Variants in DNAJC13 observed in about 807,000 individuals in gnomAD.
DNAJC13 encodes DnaJ heat shock protein family (Hsp40) member C13.
Under a neutral mutation model 290.5 loss-of-function variants are expected in DNAJC13, and 75 were observed. That is an observed-to-expected ratio of 0.26 (90% CI 0.21 to 0.31). DNAJC13 has a LOEUF of 0.31. Ranked by LOEUF, DNAJC13 falls within the 10% of genes least tolerant of loss-of-function variation. DNAJC13 has a pLI of 1.00. For synonymous variants in DNAJC13, 862 were observed against 892.0 expected, an observed-to-expected ratio of 0.97 and a Z score of 0.60; for missense variants, 2,260 against 2,674.5, an observed-to-expected ratio of 0.85 and a Z score of 3.42.
chr3:132,473,371 A>G (rs2107687211), intron 21 of DNAJC13, 144 bp downstream of exon 21: 1 of 599,474 alleles, frequency 1.7e-6, no homozygotes, highest in East Asian at 3.1e-5. Flanking sequence ...AACTGTTAAG[A>G]TTGGGGTGAC....
At chr3:132,518,620 G>A (rs1318813145) in intron 48 of DNAJC13, among the ~76,000 whole-genome samples, 2 of 152,190 alleles carry the variant, frequency 1.3e-5, no homozygotes, top group African/African-American at 4.8e-5. Context: ...GCCTCCAAAA[G>A]TGCTGGAATT....
intron 55 of DNAJC13, among the ~76,000 whole-genome samples, chr3:132,533,486 C>T (rs1043182359): frequency 6.6e-6 from 1 of 152,032 alleles, no homozygotes; most frequent in Non-Finnish European, 1.5e-5. Flanking sequence ...CAGGTGTGCA[C>T]CACCATTCCC....
chr3:132,529,774 G>A (rs1169986809), intron 54 of DNAJC13, among the ~76,000 whole-genome samples: 1 of 140,582 alleles, frequency 7.1e-6, no homozygotes, highest in East Asian at 2.1e-4. Flanking sequence ...GTGAAAGAGC[G>A]AGACTCTGTC....
chr3:132,479,092 T>C (rs1934571249), intron 24 of DNAJC13, 135 bp from the exon 25 acceptor site: 1 of 530,664 alleles, frequency 1.9e-6, no homozygotes, highest in East Asian at 3.1e-5. Flanking sequence ...TTGACAGATT[T>C]CTATGATTTT....
chr3:132,447,522 T>G (rs1173671477), intron 4 of DNAJC13, 52 bp downstream of exon 4: 1 of 1,455,094 alleles, frequency 6.9e-7, no homozygotes, highest in Non-Finnish European at 9.1e-7. Context: ...CTTTTTAAAA[T>G]GAAGTAGTTA....
intron 43 of DNAJC13, 119 bp downstream of exon 43, chr3:132,507,472 GCT>G: frequency 1.6e-6 from 1 of 637,184 alleles, no homozygotes; most frequent in South Asian, 2.3e-5. Context: ...TTACTGTGCT[GCT>G]TTTTTTTTTT....
chr3:132,490,817 C>T, intron 31 of DNAJC13, 80 bp from the exon 32 acceptor site: 1 of 1,342,884 alleles, frequency 7.4e-7, no homozygotes. Flanking sequence ...AAAGTGTTCT[C>T]TAACCATAAA....
chr3:132,470,830 C>A (rs1207301491), intron 20 of DNAJC13, among the ~76,000 whole-genome samples: 1 of 133,466 alleles, frequency 7.5e-6, no homozygotes, highest in Admixed American at 7.1e-5. Context: ...GGGCGGCTGG[C>A]CAGGCGGGGG....
At chr3:132,510,870 T>A (rs1935756247) in intron 43 of DNAJC13, among the ~76,000 whole-genome samples, 197 bp from the exon 44 acceptor site, 1 of 152,172 alleles carries the variant, frequency 6.6e-6, no homozygotes, top group African/African-American at 2.4e-5. Flanking sequence ...TGGGAGTATA[T>A]CAGATCTCTG....
chr3:132,501,582 G>GA (rs74269442), intron 39 of DNAJC13, among the ~76,000 whole-genome samples: 16 of 147,666 alleles, frequency 1.1e-4, no homozygotes, highest in African/African-American at 2.7e-4. Flanking sequence ...AAAAAAAAAA[G>GA]AAAAAAAAAC....
chr3:132,418,007 T>C (rs1224749286), intron 1 of DNAJC13, among the ~76,000 whole-genome samples: 3 of 152,096 alleles, frequency 2.0e-5, no homozygotes, highest in African/African-American at 2.4e-5. Context: ...TTTTTTTTGC[T>C]TGTTTTATAC....
rs749971675 is a variant in DNAJC13 at position 132,525,595 on chromosome 3, G to A, written c.6061-15G>A. On this transcript the variant is annotated splice_polypyrimidine_tract_variant and intron_variant, in intron 51 of 55. Transcript: ENST00000260818. The stretch of plus-strand genomic sequence containing the variant: ...AGTATTTTATAGTTGATTTATTTTT[G>A]TTTTACACCTGCAGGGAGAAACTCT... 1.9e-6 allele frequency: 3 copies of A among 1,610,802 alleles called. No homozygotes were observed. Among genetic ancestry groups the A allele is most frequent in the Non-Finnish European group, 2.5e-6 (3 of 1,178,786 alleles).
At chr3:132,488,739 A>G (rs1187696368) in intron 30 of DNAJC13, among the ~76,000 whole-genome samples, 1 of 152,086 alleles carries the variant, frequency 6.6e-6, no homozygotes, top group Non-Finnish European at 1.5e-5. Flanking sequence ...GCTTTCTTAA[A>G]GTTTAATAAT....
intron 1 of DNAJC13, among the ~76,000 whole-genome samples, chr3:132,426,659 TC>T (rs1417601787): frequency 6.6e-6 from 1 of 152,238 alleles, no homozygotes; most frequent in African/African-American, 2.4e-5. Flanking sequence ...CAGATTTTTT[TC>T]ATCATAAATA....
In DNAJC13 at chr3:132,456,286, A is replaced by G; in HGVS notation, c.984A>G (p.Arg328=). The change falls in exon 10 of 56, where the codon AGA becomes AGG. Residue 328 remains arginine (R), a synonymous_variant. Coordinates refer to ENST00000260818, the MANE Select transcript of DNAJC13 (RefSeq NM_015268.4). Reference sequence around the variant, plus strand: ...ATGGAGTAAGAGCCTCTGGTAATAGAGATGTTTGTGTAAAAATGACACCAA... The same window carrying G: ...ATGGAGTAAGAGCCTCTGGTAATAGGGATGTTTGTGTAAAAATGACACCAA... ...LLDGVRASGN[R]DVCVKMTPTH... The G allele has an allele frequency of 6.2e-7, 1 of 1,613,946 alleles. No homozygotes were observed. Among genetic ancestry groups the G allele is most frequent in the South Asian group, 1.1e-5 (1 of 91,086 alleles).
Position 132,505,396 on chromosome 3 carries a change from A to C in DNAJC13, c.4979A>C (p.Gln1660Pro), listed in dbSNP as rs752335276. ...TTACTTGAATTTCTTGAATCCCAAC[A>C]AGAAAACATGATTAAAAAAGTATGT... ...AELLEFLESQQENMIKKGDCD... is the reference protein window; with the variant it reads ...AELLEFLESQPENMIKKGDCD... The change falls in exon 42 of 56, where the codon CAA (glutamine) becomes CCA (proline). Residue 1660 changes from glutamine (Q) to proline (P), a missense_variant. Gln to Pro is a moderately conservative substitution (Grantham distance 76). Coordinates refer to ENST00000260818, the MANE Select transcript of DNAJC13 (RefSeq NM_015268.4). The C allele has an allele frequency of 6.3e-7, 1 of 1,595,348 alleles. No homozygotes were observed. Among genetic ancestry groups the C allele is most frequent in the East Asian group, 2.2e-5 (1 of 44,646 alleles).
intron 17 of DNAJC13, among the ~76,000 whole-genome samples, 186 bp from the exon 18 acceptor site, chr3:132,465,809 A>T (rs1041025557): frequency 6.6e-6 from 1 of 152,058 alleles, no homozygotes; most frequent in African/African-American, 2.4e-5. Flanking sequence ...GAAAATTCCA[A>T]AATATTAGTA....
rs532571962 is a variant in DNAJC13 at position 132,488,996 on chromosome 3, C to T, written c.3443C>T (p.Thr1148Ile). The T allele has an allele frequency of 1.9e-6, 3 of 1,610,128 alleles. No homozygotes were observed. Among genetic ancestry groups the T allele is most frequent in the Non-Finnish European group, 2.5e-6 (3 of 1,176,966 alleles). Residue 1148 changes from threonine (T) to isoleucine (I), a missense_variant, in exon 31 of 56, where the codon ACC (threonine) becomes ATC (isoleucine). Physicochemically the swap from Thr to Ile is moderately conservative, Grantham distance 89 (BLOSUM62 -1). Coordinates refer to ENST00000260818, the MANE Select transcript of DNAJC13 (RefSeq NM_015268.4). Reference sequence around the variant, plus strand: ...TCTAGATTTTTGAAATACACACATACCAAACAGGCTTTCAAGTCAGAAGAG... The same window carrying T: ...TCTAGATTTTTGAAATACACACATATCAAACAGGCTTTCAAGTCAGAAGAG... ...PVARFLKYTH[T>I]KQAFKSEETK...
At chr3:132,502,572 G>C in intron 40 of DNAJC13, 104 bp downstream of exon 40, 1 of 1,085,692 alleles carries the variant, frequency 9.2e-7, no homozygotes, top group Non-Finnish European at 1.2e-6. Flanking sequence ...GAGATAAATT[G>C]TTTTTCAGGA....
Sources: allele counts gnomAD v4.1 joint callset (sites outside exome capture counted in the v4.1 genomes callset), GRCh38; gene constraint gnomAD v4.1.1; transcripts MANE v1.5; gene names NCBI Gene and HGNC (gene_info 2026-07-23, HGNC 2026-07-21).